The following TRIM46 variants were observed in gnomAD, a reference collection of about 807,000 sequenced individuals.
TRIM46 encodes tripartite motif-containing protein 46.
Under a neutral mutation model 69.7 loss-of-function variants are expected in TRIM46, and 17 were observed. The observed-to-expected ratio is 0.24, with a 90% CI of 0.17 to 0.37. The LOEUF is 0.37. Ranked by LOEUF, TRIM46 falls within the 10% of genes least tolerant of loss-of-function variation. TRIM46 has a pLI of 1.00. For missense variants in TRIM46, 675 were observed against 1,025.1 expected (o/e 0.66, Z 4.66); for synonymous variants, 391 against 429.0 (o/e 0.91, Z 1.09).
chr1:155,174,750 C>A, intron 1 of TRIM46: 2 of 1,455,698 alleles, frequency 1.4e-6, no homozygotes, highest in African/African-American at 1.4e-5. Context: ...TTGATTCCCC[C>A]GCTAGTTCGG....
At position 155,178,394 on chromosome 1, in the gene TRIM46, A is replaced by G; in HGVS notation, c.1164-98A>G. ...GAGGCCAAACTGATACCAGCTCCCA[A>G]AGCAGTTCCCAAGGCTCTAGGGGCA... On this transcript the variant is annotated intron_variant, in intron 6 of 9. Transcript: ENST00000334634. 3.8e-6 allele frequency: 6 copies of G among 1,588,988 alleles called. No homozygotes were observed. The South Asian group carries it at 5.6e-5, about 15-fold the overall frequency.
At chr1:155,183,467 C>T (rs1470479577) in intron 9 of TRIM46, among the ~76,000 whole-genome samples, 1 of 152,134 alleles carries the variant, frequency 6.6e-6, no homozygotes, top group Non-Finnish European at 1.5e-5. Flanking sequence ...TTCCAATGTC[C>T]TCTAATCCTC....
rs1571729919 is a variant in TRIM46 at position 155,175,280 on chromosome 1, G to T, written c.64-106G>T. The T allele has an allele frequency of 6.4e-7, 1 of 1,562,980 alleles. No individual in the cohort carries two copies. The highest frequency in any genetic ancestry group is 8.6e-7 in the Non-Finnish European group (1 of 1,162,590). ...GCTCTGGAAAAGCTGCAGGTAGCTTGTCTTGCTCCTTCCTCAGACCCCTAG... is the reference window on the plus strand; with the variant it reads ...GCTCTGGAAAAGCTGCAGGTAGCTTTTCTTGCTCCTTCCTCAGACCCCTAG... On this transcript the variant is annotated intron_variant, in intron 1 of 9. Transcript: ENST00000334634. The surrounding 1 kb of genome is among the most constrained non-coding windows in gnomAD (Gnocchi z 4.2).
chr1:155,180,066 C>A, intron 8 of TRIM46, 132 bp downstream of exon 8: 2 of 1,085,088 alleles, frequency 1.8e-6, no homozygotes, highest in Non-Finnish European at 2.6e-6. Context: ...AGCTCTGGAG[C>A]TAGACTGCTT....
In TRIM46 at chr1:155,178,611, G is replaced by A. The variant is rs368783002; in HGVS notation, c.1283G>A (p.Arg428Gln). ...CTGCTGACAGAGCTTAACTTCCTGC[G>A]AGGTAAGGAGATGGCCAGGCCCCAT... ...MKLLTELNFL[R>Q]VPEAPVIDTQ... Residue 428 changes from arginine to glutamine, a missense_variant and splice_region_variant, in exon 7 of 10, where the codon CGA becomes CAA. This residue lies in a region of TRIM46 where 361 missense variants were observed against 498.3 expected (regional missense o/e 0.72). Transcript: ENST00000334634. The A allele has an allele frequency of 7.4e-5, 120 of 1,612,696 alleles. No homozygotes were observed. Among genetic ancestry groups the A allele is most frequent in the Non-Finnish European group, 9.6e-5 (113 of 1,179,930 alleles).
rs755382536 is a variant in TRIM46, at chr1:155,175,394, G to A, written c.72G>A (p.Met24Ile). ...MDALVRISTS[M>I]KNMEKELLCP... Reference sequence around the variant, plus strand: ...TCCTGGTCCCTCCACAGACCAGCATGAAGAACATGGAGAAGGAACTGCTGT... The same window carrying A: ...TCCTGGTCCCTCCACAGACCAGCATAAAGAACATGGAGAAGGAACTGCTGT... Residue 24 changes from methionine (M) to isoleucine (I), a missense_variant, in exon 2 of 10, where the codon ATG (methionine) becomes ATA (isoleucine). Met to Ile is a conservative substitution (Grantham distance 10). Around this residue, in one of 5 missense-constraint regions of TRIM46, gnomAD observed 170 missense variants for 255.6 expected, o/e 0.67. Transcript: ENST00000334634. This position sits in a 1 kb window ranked among gnomAD's most constrained non-coding sequence, Gnocchi z 4.2. 1.2e-6 allele frequency: 2 copies of A among 1,613,924 alleles called. No individual in the cohort carries two copies. Among genetic ancestry groups the A allele is most frequent in the African/African-American group, 1.3e-5 (1 of 74,920 alleles).
At position 155,182,308 on chromosome 1, in the gene TRIM46, A is replaced by G. The variant is rs560627080; in HGVS notation, c.1886+159A>G. 8.6e-6 allele frequency: 7 copies of G among 818,222 alleles called. 1 individual carries two copies. In the South Asian group the frequency reaches 9.0e-5, roughly 10 times the overall value. 50.7% of individuals were successfully genotyped at this position (818,222 alleles called of 1,614,324 possible). On this transcript the variant is annotated intron_variant, in intron 9 of 9. Transcript: ENST00000334634. The stretch of plus-strand genomic sequence containing the variant: ...AAGCCAGGCTGGGAGGCCTGTGTCC[A>G]GGAGACGCATGGGCTCAGCAAAAGG...
Position 155,175,562 on chromosome 1 carries a change from T to C in TRIM46, c.240T>C (p.Pro80=), listed in dbSNP as rs1455526355. 6.2e-7 allele frequency: 1 copy of C among 1,612,426 alleles called. No individual in the cohort carries two copies. The highest frequency in any genetic ancestry group is 8.5e-7 in the Non-Finnish European group (1 of 1,178,794). ...GGDPSSEPTS[P]ASTPSTRSPR... ...ACCCCAGCTCCGAGCCCACCTCTCC[T>C]GCCTCCACCCCTTCCACCCGCAGCC... The change falls in exon 2 of 10, where the codon CCT becomes CCC. Residue 80 remains proline (P), a synonymous_variant. Transcript: ENST00000334634. The surrounding 1 kb of genome is among the most constrained non-coding windows in gnomAD (Gnocchi z 4.2).
At position 155,182,019 on chromosome 1, in the gene TRIM46, G is replaced by T. The variant is rs1571757904; in HGVS notation, c.1756G>T (p.Ala586Ser). Residue 586 changes from alanine (A) to serine (S), a missense_variant, in exon 9 of 10, where the codon GCT (alanine) becomes TCT (serine). Transcript: ENST00000334634. ...LSVDVVLGDV[A>S]VTQGRSYWAC... ...TGTGGATGTGGTCCTGGGCGACGTGGCTGTGACCCAGGGCCGCAGCTACTG... is the reference window on the plus strand; with the variant it reads ...TGTGGATGTGGTCCTGGGCGACGTGTCTGTGACCCAGGGCCGCAGCTACTG... The T allele has an allele frequency of 1.9e-6, 3 of 1,613,570 alleles. No homozygotes were observed. Among genetic ancestry groups the T allele is most frequent in the East Asian group, 2.2e-5 (1 of 44,862 alleles).
rs1665552033 is a variant in TRIM46, at chr1:155,175,300, C to T, written c.64-86C>T. The T allele has an allele frequency of 6.3e-7, 1 of 1,589,904 alleles. No homozygotes were observed. On this transcript the variant is annotated intron_variant, in intron 1 of 9. Transcript: ENST00000334634. The surrounding 1 kb of genome is among the most constrained non-coding windows in gnomAD (Gnocchi z 4.2). ...AGCTTGTCTTGCTCCTTCCTCAGACCCCTAGGGTATCCAAGGGCAGCCAAG... is the reference window on the plus strand; with the variant it reads ...AGCTTGTCTTGCTCCTTCCTCAGACTCCTAGGGTATCCAAGGGCAGCCAAG...
Position 155,175,273 on chromosome 1 carries a change from G to A in TRIM46, c.64-113G>A, listed in dbSNP as rs1223962435. On this transcript the variant is annotated intron_variant, in intron 1 of 9. Transcript: ENST00000334634. This position sits in a 1 kb window ranked among gnomAD's most constrained non-coding sequence, Gnocchi z 4.2. ...GGCAGGTGCTCTGGAAAAGCTGCAGGTAGCTTGTCTTGCTCCTTCCTCAGA... is the reference window on the plus strand; with the variant it reads ...GGCAGGTGCTCTGGAAAAGCTGCAGATAGCTTGTCTTGCTCCTTCCTCAGA... 1.3e-6 allele frequency: 2 copies of A among 1,551,740 alleles called. No individual in the cohort carries two copies. The highest frequency in any genetic ancestry group is 8.6e-7 in the Non-Finnish European group (1 of 1,157,474).
Position 155,175,373 on chromosome 1 carries a change from G to T in TRIM46, c.64-13G>T. 1 of 1,613,260 alleles carries T rather than the reference G, an allele frequency of 6.2e-7. No individual in the cohort carries two copies. Among genetic ancestry groups the T allele is most frequent in the Non-Finnish European group, 8.5e-7 (1 of 1,179,636 alleles). Reference sequence around the variant, plus strand: ...TGTCCAAGCGCTGACCTAGCCTCCTGGTCCCTCCACAGACCAGCATGAAGA... The same window carrying T: ...TGTCCAAGCGCTGACCTAGCCTCCTTGTCCCTCCACAGACCAGCATGAAGA... On this transcript the variant is annotated splice_polypyrimidine_tract_variant and intron_variant, in intron 1 of 9. Transcript: ENST00000334634. This position sits in a 1 kb window ranked among gnomAD's most constrained non-coding sequence, Gnocchi z 4.2.
chr1:155,174,832 G>C, intron 1 of TRIM46: 2 of 1,428,932 alleles, frequency 1.4e-6, no homozygotes, highest in Non-Finnish European at 1.8e-6. Context: ...GAAGGGGAAT[G>C]GGTTGGTAAG....
Position 155,174,041 on chromosome 1 carries a change from TG to T in TRIM46, c.63+16del. 6.4e-7 allele frequency: 1 copy of T among 1,556,972 alleles called. No individual in the cohort carries two copies. The highest frequency in any genetic ancestry group is 8.7e-7 in the Non-Finnish European group (1 of 1,150,876). On this transcript the variant is annotated intron_variant, in intron 1 of 9. Transcript: ENST00000334634. ...TGGTCCGCATCAGTGTGAGTTAAGG[TG>T]GGGTCGAGGGAAGGGGAGGGGGCGT...
At chr1:155,178,291 C>T (rs764604263) in intron 6 of TRIM46, 36 bp downstream of exon 6, 3 of 1,570,434 alleles carry the variant, frequency 1.9e-6, no homozygotes, top group Admixed American at 1.8e-5. Flanking sequence ...GGGGCAGGGA[C>T]ATCATGGATG....
chr1:155,177,591 G>T (rs182922256), intron 5 of TRIM46, among the ~76,000 whole-genome samples: 219 of 152,330 alleles, frequency 1.4e-3, no homozygotes, highest in African/African-American at 4.9e-3. Context: ...AGGATGTCAC[G>T]CATTCCCAGT....
chr1:155,183,703 C>G, intron 9 of TRIM46, 94 bp from the exon 10 acceptor site: 1 of 1,515,470 alleles, frequency 6.6e-7, no homozygotes, highest in Non-Finnish European at 8.9e-7. Context: ...CAACCTCTTG[C>G]TCCTTAACAT....
Position 155,175,355 on chromosome 1 carries a change from G to A in TRIM46, c.64-31G>A, listed in dbSNP as rs1418527985. On this transcript the variant is annotated intron_variant, in intron 1 of 9. Transcript: ENST00000334634. This position sits in a 1 kb window ranked among gnomAD's most constrained non-coding sequence, Gnocchi z 4.2. ...TGCTGAGGTATGCCTAAGTGTCCAA[G>A]CGCTGACCTAGCCTCCTGGTCCCTC... is the stretch of plus-strand genomic sequence containing the variant. 1 of 1,612,034 alleles carries A rather than the reference G, an allele frequency of 6.2e-7. No individual in the cohort carries two copies. The highest frequency in any genetic ancestry group is 8.5e-7 in the Non-Finnish European group (1 of 1,179,238).
chr1:155,177,667 C>A (rs186840508), intron 5 of TRIM46, among the ~76,000 whole-genome samples: 1 of 152,278 alleles, frequency 6.6e-6, no homozygotes, highest in East Asian at 1.9e-4. Context: ...TGGGGATGGA[C>A]AACTAAGGAT....
Sources: gnomAD v4.1 joint callset for allele counts (sites outside exome capture counted in the v4.1 genomes callset) on GRCh38, gnomAD v4.1.1 for gene constraint, gnomAD v4.1.1 regional missense constraint, Gnocchi (gnomAD v3.1) non-coding constraint, MANE v1.5 for transcripts, NCBI Gene and HGNC (gene_info 2026-07-23, HGNC 2026-07-21) for gene names.